The following CERS4 variants were observed in gnomAD, a reference collection of about 807,000 sequenced individuals.
The protein encoded by CERS4 is LAG1 homolog, ceramide synthase 4.
Under a neutral mutation model 51.8 loss-of-function variants are expected in CERS4, and 65 were observed. That is an observed-to-expected ratio of 1.26 (90% CI 1.03 to 1.54). CERS4 has a LOEUF of 1.54. Among genes scored for constraint, CERS4 ranks in the 40% most tolerant of loss-of-function variants. CERS4 has a pLI of 0.00. For missense variants in CERS4, 563 were observed against 500.4 expected, an observed-to-expected ratio of 1.13 and a Z score of -1.19; for synonymous variants, 228 against 208.4, an observed-to-expected ratio of 1.09 and a Z score of -0.81.
At chr19:8,257,799 C>G in intron 9 of CERS4, 80 bp from the exon 10 acceptor site, 5 of 1,086,788 alleles carry the variant, frequency 4.6e-6, no homozygotes, top group Non-Finnish European at 5.6e-6. Flanking sequence ...CCCCAACTCA[C>G]CTGGTCCCAT....
chr19:8,246,233 G>T (rs1261153619), intron 2 of CERS4, among the ~76,000 whole-genome samples: 1 of 152,124 alleles, frequency 6.6e-6, no homozygotes, highest in Non-Finnish European at 1.5e-5. Context: ...CAGGTACATA[G>T]TTTTGTCCAA....
At chr19:8,260,963 A>AAAAAC in intron 10 of CERS4, 1 of 151,708 alleles carries the variant, frequency 6.6e-6, no homozygotes, top group Non-Finnish European at 1.5e-5. Flanking sequence ...AAAAAAAAAA[A>AAAAAC]AAAAAAAAAA....
chr19:8,247,464 G>C (rs894685747), intron 2 of CERS4, among the ~76,000 whole-genome samples: 7 of 151,984 alleles, frequency 4.6e-5, no homozygotes, highest in African/African-American at 1.7e-4. Flanking sequence ...CTGTCCCTCA[G>C]GCTGGAGTAT....
intron 2 of CERS4, among the ~76,000 whole-genome samples, chr19:8,216,762 A>AGTGAT (rs1176585196): frequency 6.6e-6 from 1 of 151,972 alleles, no homozygotes; most frequent in Non-Finnish European, 1.5e-5. Flanking sequence ...ATAAATGTGA[A>AGTGAT]GTGATGTCAG....
intron 2 of CERS4, among the ~76,000 whole-genome samples, chr19:8,245,122 A>ACAAAACAAACAAAAACAAAAACAC (rs755450125): frequency 7.7e-6 from 1 of 129,258 alleles, no homozygotes; most frequent in Admixed American, 7.8e-5. Context: ...AAAAAAAAAA[A>ACAAAACAAACAAAAACAAAAACAC]AAAAAAAAAA....
intron 2 of CERS4, chr19:8,241,337 A>G (rs888284219): frequency 4.6e-5 from 7 of 152,156 alleles, no homozygotes; most frequent in African/African-American, 1.7e-4. Context: ...TTTTTCCGAA[A>G]CAGGATCTGC....
At chr19:8,225,486 C>T (rs946619531) in intron 2 of CERS4, among the ~76,000 whole-genome samples, 1 of 147,868 alleles carries the variant, frequency 6.8e-6, no homozygotes, top group Non-Finnish European at 1.5e-5. Flanking sequence ...CGCAATGGAG[C>T]GATCTCGGCT....
At chr19:8,227,986 C>T (rs1455073969) in intron 2 of CERS4, among the ~76,000 whole-genome samples, 2 of 152,040 alleles carry the variant, frequency 1.3e-5, no homozygotes, top group East Asian at 3.9e-4. Flanking sequence ...CTCAGCCTCC[C>T]GAGTAGCTGG....
intron 10 of CERS4, among the ~76,000 whole-genome samples, chr19:8,260,547 T>C (rs1262122330): frequency 1.3e-5 from 2 of 148,424 alleles, no homozygotes. Flanking sequence ...AAAAAAAGCC[T>C]ACAGGGAAAA....
intron 2 of CERS4, among the ~76,000 whole-genome samples, chr19:8,215,927 A>G (rs1283979601): frequency 6.6e-6 from 1 of 152,176 alleles, no homozygotes; most frequent in Non-Finnish European, 1.5e-5. Context: ...TGGTGAGGGC[A>G]GGCATAAGCC....
rs775210588 is a variant in CERS4, at chr19:8,255,801, CA to C, written c.411-20del. 38 of 1,613,758 alleles carry C rather than the reference CA, an allele frequency of 2.4e-5. No individual in the cohort carries two copies. Among genetic ancestry groups the C allele is most frequent in the Non-Finnish European group, 3.2e-5 (38 of 1,179,978 alleles). Reference sequence around the variant, plus strand: ...GCGGGGCGGGTGTCTGCTATTTTCACAGCTCCCTCCCCATCCACAGCTGGAG... The same window carrying C: ...GCGGGGCGGGTGTCTGCTATTTTCACGCTCCCTCCCCATCCACAGCTGGAG... On this transcript the variant is annotated intron_variant, in intron 5 of 11. Coordinates refer to ENST00000251363, the MANE Select transcript of CERS4 (RefSeq NM_024552.3).
intron 2 of CERS4, among the ~76,000 whole-genome samples, chr19:8,224,511 G>T (rs1474110000): frequency 6.6e-6 from 1 of 152,110 alleles, no homozygotes; most frequent in Non-Finnish European, 1.5e-5. Context: ...GCGATTGGTC[G>T]GCCCTCCTAG....
chr19:8,211,392 C>G (rs537881080), intron 2 of CERS4, among the ~76,000 whole-genome samples: 1 of 152,166 alleles, frequency 6.6e-6, no homozygotes, highest in South Asian at 2.1e-4. Flanking sequence ...GACCACCCCC[C>G]AGCCCTGTCC....
intron 2 of CERS4, among the ~76,000 whole-genome samples, chr19:8,242,535 G>A (rs1341062556): frequency 2.0e-5 from 3 of 152,144 alleles, no homozygotes; most frequent in Admixed American, 6.6e-5. Flanking sequence ...ACAGGGTTGC[G>A]GGAGGGTGCT....
rs528348756 is a variant in CERS4 at position 8,239,016 on chromosome 19, A to G, written c.-1-12060A>G. ...CTTGGAAGGCTGAGGCGGGAGGATCACTTAAGTCCAAGAGTTCAAGGCTGT... is the reference window on the plus strand; with the variant it reads ...CTTGGAAGGCTGAGGCGGGAGGATCGCTTAAGTCCAAGAGTTCAAGGCTGT... On this transcript the variant is annotated intron_variant, in intron 2 of 11. Transcript: ENST00000251363. Among the ~76,000 whole-genome samples, 10 of 152,124 alleles carry G rather than the reference A, an allele frequency of 6.6e-5. No individual in the cohort carries two copies. The East Asian group carries it at 1.7e-3, about 27-fold the overall frequency.
chr19:8,255,706 A>G lies in CERS4; in HGVS notation c.391A>G (p.Lys131Glu). 6.2e-7 allele frequency: 1 copy of G among 1,613,000 alleles called. No individual in the cohort carries two copies. Among genetic ancestry groups the G allele is most frequent in the Non-Finnish European group, 8.5e-7 (1 of 1,179,704 alleles). Reference sequence around the variant, plus strand: ...GAACCAGGATCGACCCCAGCTGACCAAGAAGTTCTGTGAGGCCAGGTAAGC... The same window carrying G: ...GAACCAGGATCGACCCCAGCTGACCGAGAAGTTCTGTGAGGCCAGGTAAGC... Reference protein sequence around the residue: ...RRNQDRPQLTKKFCEASWRFL... With the variant: ...RRNQDRPQLTEKFCEASWRFL... Residue 131 changes from lysine to glutamate, a missense_variant, in exon 5 of 12, where the codon AAG (lysine) becomes GAG (glutamate). Physicochemically the swap from Lys to Glu is moderately conservative, Grantham distance 56. Transcript: ENST00000251363.
chr19:8,224,189 A>G (rs961296701), intron 2 of CERS4, among the ~76,000 whole-genome samples: 1 of 149,610 alleles, frequency 6.7e-6, no homozygotes, highest in African/African-American at 2.5e-5. Context: ...CGGGCGGATC[A>G]CGAGGTCAGG....
chr19:8,220,149 C>G (rs1027763159), intron 2 of CERS4, among the ~76,000 whole-genome samples: 1 of 151,754 alleles, frequency 6.6e-6, no homozygotes, highest in African/African-American at 2.4e-5. Context: ...CACCCCTCGG[C>G]TGTGTGTCCC....
intron 2 of CERS4, among the ~76,000 whole-genome samples, chr19:8,241,625 C>T (rs991439721): frequency 1.3e-5 from 2 of 152,140 alleles, no homozygotes; most frequent in Non-Finnish European, 2.9e-5. Context: ...GCTCACTCCA[C>T]CTCAGGTGCC....
Sources: gnomAD v4.1 joint callset for allele counts (sites outside exome capture counted in the v4.1 genomes callset) on GRCh38, gnomAD v4.1.1 for gene constraint, MANE v1.5 for transcripts, NCBI Gene and HGNC (gene_info 2026-07-23, HGNC 2026-07-21) for gene names.